Variants in EFCAB12 observed in about 807,000 individuals in gnomAD.
EFCAB12 encodes the protein EF-hand calcium-binding domain-containing protein 12.
A neutral mutation model predicts 53.6 loss-of-function variants in EFCAB12; 43 were observed. The observed-to-expected ratio is 0.80, with a 90% CI of 0.63 to 1.03. The LOEUF (loss-of-function observed/expected upper bound fraction) is 1.03, where lower values mean the gene tolerates loss of function less well. EFCAB12 is among the 50% of genes least tolerant of loss of function. The pLI, the probability that EFCAB12 is intolerant of heterozygous loss-of-function variation, is 0.00. For synonymous variants in EFCAB12, 269 were observed against 289.2 expected (o/e 0.93, Z 0.71); for missense variants, 646 against 730.6 (o/e 0.88, Z 1.34).
rs149041268 is a variant in EFCAB12 at position 129,402,884 on chromosome 3, C to T, written c.1404-305G>A. On this transcript the variant is annotated intron_variant, in intron 7 of 8. Coordinates refer to ENST00000505956, the MANE Select transcript of EFCAB12 (RefSeq NM_207307.3). ...GAATAGAGACCTCTCAGGGTAGTTA[C>T]GAGGGAGGCTCAGTAAGTCACTGCC... The T allele has an allele frequency of 2.5e-4, 74 of 293,780 alleles. No individual in the cohort carries two copies. In the East Asian group the frequency reaches 4.3e-3, roughly 17 times the overall value. The allele number at this position is 293,780 out of a possible 1,614,324, so 18.2% of individuals were successfully genotyped here.
intron 6 of EFCAB12, 105 bp downstream of exon 6, chr3:129,408,540 T>C: frequency 8.1e-7 from 1 of 1,228,410 alleles, no homozygotes; most frequent in Non-Finnish European, 1.1e-6. Context: ...CACCAGAGAT[T>C]ACAGTGGCTT....
intron 1 of EFCAB12, among the ~76,000 whole-genome samples, chr3:129,426,534 T>C (rs1269270720): frequency 6.6e-6 from 1 of 151,492 alleles, no homozygotes; most frequent in Non-Finnish European, 1.5e-5. Flanking sequence ...CCGGCTAATT[T>C]TTTGTATTTT....
At chr3:129,418,518 A>G (rs1216458695) in intron 2 of EFCAB12, 70 bp from the exon 3 acceptor site, 2 of 1,405,996 alleles carry the variant, frequency 1.4e-6, no homozygotes, top group East Asian at 5.0e-5. Flanking sequence ...TGCAGTCCCC[A>G]GAGTTAGGGA....
intron 1 of EFCAB12, among the ~76,000 whole-genome samples, chr3:129,425,101 T>C (rs931333940): frequency 6.6e-6 from 1 of 152,084 alleles, no homozygotes; most frequent in Admixed American, 6.5e-5. Context: ...GGAAATAAGG[T>C]TGGCGTCATC....
At position 129,428,564 on chromosome 3, in the gene EFCAB12, C is replaced by T. The variant is rs1400333831; in HGVS notation, c.-76G>A. On this transcript the variant is annotated 5_prime_UTR_variant, in exon 1 of 9. Transcript: ENST00000505956. ...ATGTGGGCTTGCTTGCGTAGGGGTA[C>T]CGGGGTATCAGATAAACCGTAACTC... 6.5e-7 allele frequency: 1 copy of T among 1,537,610 alleles called. No homozygotes were observed. The highest frequency in any genetic ancestry group is 8.8e-7 in the Non-Finnish European group (1 of 1,131,826).
chr3:129,404,041 G>T, intron 7 of EFCAB12: 1 of 537,698 alleles, frequency 1.9e-6, no homozygotes, highest in Non-Finnish European at 3.2e-6. Flanking sequence ...GGGAGCTGAG[G>T]CCAGCAGGCC....
chr3:129,426,349 GTTT>G (rs1229958503), intron 1 of EFCAB12, among the ~76,000 whole-genome samples: 1 of 106,888 alleles, frequency 9.4e-6, no homozygotes, highest in Non-Finnish European at 1.8e-5. Context: ...GGCTTACAGG[GTTT>G]TTTTTTGTTT....
At chr3:129,421,301 A>G (rs907410711) in intron 2 of EFCAB12, 66 bp downstream of exon 2, 37 of 1,477,640 alleles carry the variant, frequency 2.5e-5, no homozygotes, top group Non-Finnish European at 3.3e-5. Context: ...GCCTAACCCA[A>G]GGGAATAAAA....
intron 5 of EFCAB12, among the ~76,000 whole-genome samples, chr3:129,410,840 C>T (rs569914584): frequency 6.6e-6 from 1 of 152,310 alleles, no homozygotes; most frequent in African/African-American, 2.4e-5. Flanking sequence ...TACCCAGTGT[C>T]AGGCCCTGTG....
intron 6 of EFCAB12, 150 bp from the exon 7 acceptor site, chr3:129,404,553 G>C: frequency 1.0e-6 from 1 of 967,630 alleles, no homozygotes; most frequent in Non-Finnish European, 1.4e-6. Context: ...TTTTATTGTT[G>C]AATAGTTGTA....
At chr3:129,415,489 C>T (rs2072104245) in intron 3 of EFCAB12, 88 bp from the exon 4 acceptor site, 4 of 1,516,842 alleles carry the variant, frequency 2.6e-6, no homozygotes, top group Non-Finnish European at 2.7e-6. Context: ...TCCTCAGACC[C>T]CCATCCTGCT....
At chr3:129,425,234 C>G (rs980976604) in intron 1 of EFCAB12, among the ~76,000 whole-genome samples, 3 of 152,168 alleles carry the variant, frequency 2.0e-5, no homozygotes, top group African/African-American at 7.2e-5. Context: ...ATGTTCTGCC[C>G]TCAGCCAGGA....
rs1471323121 is a variant in EFCAB12, at chr3:129,402,573, C to T, written c.1410G>A (p.Thr470=). Residue 470 remains threonine, a synonymous_variant, in exon 8 of 9, where the codon ACG becomes ACA. Coordinates refer to ENST00000505956, the MANE Select transcript of EFCAB12 (RefSeq NM_207307.3). The part of the protein sequence containing the change: ...PGKSKRTDKK[T]PKKSKKMRFK... ...AGCGCATTTTCTTGCTTTTCTTTGG[C>T]GTTTTCCTAGTGGAGAAGAGAGAGG... 10 of 1,612,252 alleles carry T rather than the reference C, an allele frequency of 6.2e-6. No individual in the cohort carries two copies. The highest frequency in any genetic ancestry group is 2.2e-5 in the South Asian group (2 of 90,706).
intron 1 of EFCAB12, among the ~76,000 whole-genome samples, chr3:129,428,015 T>G (rs560641828): frequency 8.9e-4 from 136 of 152,320 alleles, no homozygotes; most frequent in Non-Finnish European, 1.8e-3. Flanking sequence ...CACCTTTTAC[T>G]CCTGGGTGTC....
chr3:129,425,679 G>A (rs1268569067), intron 1 of EFCAB12, among the ~76,000 whole-genome samples: 1 of 152,162 alleles, frequency 6.6e-6, no homozygotes, highest in Non-Finnish European at 1.5e-5. Context: ...TGACAGAAAG[G>A]GAAATGGGCT....
Position 129,418,236 on chromosome 3 carries a change from A to C in EFCAB12, c.681+18T>G. 1.9e-6 allele frequency: 3 copies of C among 1,593,268 alleles called. No individual in the cohort carries two copies. Among genetic ancestry groups the C allele is most frequent in the Non-Finnish European group, 2.6e-6 (3 of 1,168,276 alleles). ...CCTGCCCACTTAGGCCCATCCAGAG[A>C]AAGCAGGTGGCACTTACTGCCTTTA... On this transcript the variant is annotated intron_variant, in intron 3 of 8. Transcript: ENST00000505956.
In EFCAB12 at chr3:129,428,460, C is replaced by T. The variant is rs923282201; in HGVS notation, c.29G>A (p.Ser10Asn). The T allele has an allele frequency of 1.9e-6, 3 of 1,610,892 alleles. No individual in the cohort carries two copies. The African/African-American group carries it at 4.0e-5, about 22-fold the overall frequency. The change falls in exon 1 of 9, where the codon AGT becomes AAT. Residue 10 changes from serine (S) to asparagine (N), a missense_variant. Coordinates refer to ENST00000505956, the MANE Select transcript of EFCAB12 (RefSeq NM_207307.3). Reference protein sequence around the residue: MDDDYEAYHSLFLSLLGLCP... With the variant: MDDDYEAYHNLFLSLLGLCP... ...CTTACCGAGCAGCGACAAGAACAGA[C>T]TGTGGTACGCTTCATAGTCGTCGTC...
intron 5 of EFCAB12, 58 bp from the exon 6 acceptor site, chr3:129,408,916 CAGA>C: frequency 6.5e-7 from 1 of 1,532,962 alleles, no homozygotes; most frequent in South Asian, 1.2e-5. Context: ...TCCTCCTGGC[CAGA>C]AGAAGGAAGA....
chr3:129,425,809 G>A (rs1274132604), intron 1 of EFCAB12, among the ~76,000 whole-genome samples: 1 of 152,214 alleles, frequency 6.6e-6, no homozygotes, highest in African/African-American at 2.4e-5. Context: ...GCCCAGGTCA[G>A]GGACACTCTC....
Sources: allele counts gnomAD v4.1 joint callset (sites outside exome capture counted in the v4.1 genomes callset), GRCh38; gene constraint gnomAD v4.1.1; transcripts MANE v1.5; gene names NCBI Gene and HGNC (gene_info 2026-07-23, HGNC 2026-07-21).